Variants in CMKLR1 observed in about 807,000 individuals in gnomAD.
CMKLR1 encodes chemerin chemokine-like receptor 1.
Under a neutral mutation model 8.2 loss-of-function variants are expected in CMKLR1, and 6 were observed. The ratio of observed to expected loss-of-function variants is 0.73; its 90% confidence interval spans 0.40 to 1.44. CMKLR1 has a LOEUF of 1.44. CMKLR1 is among the 40% of genes most tolerant of loss of function. CMKLR1 has a pLI of 0.02. For missense variants in CMKLR1, 429 were observed against 478.0 expected, an observed-to-expected ratio of 0.90 and a Z score of 0.96; for synonymous variants, 178 against 181.2, an observed-to-expected ratio of 0.98 and a Z score of 0.14.
chr12:108,293,316 C>T (rs979525027), intron 3 of CMKLR1, among the ~76,000 whole-genome samples: 28 of 152,294 alleles, frequency 1.8e-4, no homozygotes, highest in South Asian at 2.1e-4. Context: ...GCTTCAGAGT[C>T]TATCCTTTTG....
intron 2 of CMKLR1, among the ~76,000 whole-genome samples, chr12:108,306,101 G>T (rs938247192): frequency 6.6e-6 from 1 of 152,166 alleles, no homozygotes; most frequent in Admixed American, 6.5e-5. Context: ...TGCCCTACAG[G>T]CTGACCTGCT....
chr12:108,334,301 T>C (rs978395361), intron 1 of CMKLR1, among the ~76,000 whole-genome samples: 1 of 152,254 alleles, frequency 6.6e-6, no homozygotes, highest in African/African-American at 2.4e-5. Flanking sequence ...GTCTGATTCA[T>C]CTCATTTTCT....
intron 2 of CMKLR1, among the ~76,000 whole-genome samples, chr12:108,312,300 G>A (rs906751815): frequency 2.0e-5 from 3 of 152,190 alleles, no homozygotes; most frequent in Non-Finnish European, 2.9e-5. Context: ...GCATTTCCAA[G>A]CATCGTGGAT....
At chr12:108,318,261 C>A (rs1482677173) in intron 2 of CMKLR1, among the ~76,000 whole-genome samples, 1 of 152,174 alleles carries the variant, frequency 6.6e-6, no homozygotes. Context: ...AGTTCTCAAG[C>A]CCTGGTCTTT....
At chr12:108,332,911 C>T (rs1433639045) in intron 1 of CMKLR1, among the ~76,000 whole-genome samples, 1 of 152,116 alleles carries the variant, frequency 6.6e-6, no homozygotes, top group Non-Finnish European at 1.5e-5. Context: ...GAGGTCGAGG[C>T]TGCAAATGAG....
intron 2 of CMKLR1, among the ~76,000 whole-genome samples, chr12:108,309,261 C>T (rs984659387): frequency 6.6e-6 from 1 of 152,196 alleles, no homozygotes; most frequent in African/African-American, 2.4e-5. Context: ...GAATAAAATA[C>T]AAAGAGGGTC....
chr12:108,311,858 C>A (rs1353325780), intron 2 of CMKLR1, among the ~76,000 whole-genome samples: 1 of 152,196 alleles, frequency 6.6e-6, no homozygotes, highest in South Asian at 2.1e-4. Context: ...GCTGGGGGGA[C>A]CTCAGAGGCC....
At chr12:108,310,483 A>G (rs7316620) in intron 2 of CMKLR1, among the ~76,000 whole-genome samples, 15,279 of 152,166 alleles carry the variant, frequency 0.1, 904 homozygotes, top group African/African-American at 0.16. Flanking sequence ...CAGTTTTTGG[A>G]GGCTCCAGGC....
chr12:108,305,787 C>T (rs1328776363), intron 2 of CMKLR1, among the ~76,000 whole-genome samples: 2 of 152,218 alleles, frequency 1.3e-5, no homozygotes, highest in Non-Finnish European at 2.9e-5. Context: ...TGCAGCAGAG[C>T]AGAGCGGCAC....
At chr12:108,313,843 A>T (rs1455923503) in intron 2 of CMKLR1, among the ~76,000 whole-genome samples, 4 of 152,180 alleles carry the variant, frequency 2.6e-5, no homozygotes, top group Non-Finnish European at 5.9e-5. Flanking sequence ...TTTTCACTAC[A>T]CTGACCTTGA....
At chr12:108,310,545 C>G (rs1455984930) in intron 2 of CMKLR1, among the ~76,000 whole-genome samples, 1 of 152,198 alleles carries the variant, frequency 6.6e-6, no homozygotes, top group Admixed American at 6.5e-5. Flanking sequence ...CTTTATTTTT[C>G]TTAAGGATTT....
chr12:108,319,748 G>A (rs1311838418), intron 2 of CMKLR1, among the ~76,000 whole-genome samples: 1 of 152,010 alleles, frequency 6.6e-6, no homozygotes, highest in Non-Finnish European at 1.5e-5. Flanking sequence ...ATATGACTTG[G>A]CCTCACACAT....
At chr12:108,336,468 C>A (rs1424266475) in intron 1 of CMKLR1, among the ~76,000 whole-genome samples, 4 of 151,182 alleles carry the variant, frequency 2.6e-5, no homozygotes, top group Non-Finnish European at 4.4e-5. Flanking sequence ...ATGGCGTGAA[C>A]CCGGGAGGCA....
chr12:108,333,292 G>T (rs1442276657), intron 1 of CMKLR1, among the ~76,000 whole-genome samples: 1 of 152,126 alleles, frequency 6.6e-6, no homozygotes, highest in Non-Finnish European at 1.5e-5. Flanking sequence ...TGACCTCCCT[G>T]CTGAGTCAGC....
chr12:108,329,856 C>G (rs142137372), intron 2 of CMKLR1, 139 bp downstream of exon 2: 2 of 152,274 alleles, frequency 1.3e-5, no homozygotes, highest in East Asian at 3.9e-4. Context: ...GTTTTCCCAT[C>G]TGAAAAATGG....
intron 2 of CMKLR1, among the ~76,000 whole-genome samples, chr12:108,311,129 G>C (rs2137317540): frequency 6.6e-6 from 1 of 152,298 alleles, no homozygotes; most frequent in South Asian, 2.1e-4. Flanking sequence ...TTTCCCCAGT[G>C]AACTGAAGTC....
chr12:108,313,558 T>TGC (rs1388919378), intron 2 of CMKLR1, among the ~76,000 whole-genome samples: 3 of 152,154 alleles, frequency 2.0e-5, no homozygotes, highest in African/African-American at 7.2e-5. Flanking sequence ...TGAGATCATA[T>TGC]ACGTAGGGTG....
At chr12:108,295,593 G>T (rs1891112732) in intron 2 of CMKLR1, among the ~76,000 whole-genome samples, 1 of 152,244 alleles carries the variant, frequency 6.6e-6, no homozygotes, top group South Asian at 2.1e-4. Context: ...CCCAGCCTGG[G>T]AGTCTGAAGC....
intron 2 of CMKLR1, among the ~76,000 whole-genome samples, chr12:108,310,163 CTGTGTGTGTG>C (rs35140046): frequency 1.5e-4 from 22 of 142,508 alleles, no homozygotes; most frequent in East Asian, 6.4e-4. Context: ...TGGTTAGGGG[CTGTGTGTGTG>C]TGTGTGTGTG....
Sources: gnomAD v4.1 joint callset for allele counts (sites outside exome capture counted in the v4.1 genomes callset) on GRCh38, gnomAD v4.1.1 for gene constraint, MANE v1.5 for transcripts, NCBI Gene and HGNC (gene_info 2026-07-23, HGNC 2026-07-21) for gene names.